ASH1L: variants seen among roughly 807,000 people sequenced by gnomAD.
ASH1L encodes the protein histone-lysine N-methyltransferase ASH1L.
ASH1L carries 23 observed loss-of-function variants against 269.0 expected under a neutral mutation model. The observed-to-expected ratio is 0.09, with a 90% confidence interval of 0.06 to 0.12. ASH1L has a LOEUF of 0.12. ASH1L is among the 10% of genes least tolerant of loss of function. The pLI is 1.00. For missense variants in ASH1L, 2,912 were observed against 3,567.8 expected (o/e 0.82, Z 4.68); for synonymous variants, 1,187 against 1,253.5 (o/e 0.95, Z 1.12).
intron 2 of ASH1L, among the ~76,000 whole-genome samples, chr1:155,491,101 C>T (rs1173198002): frequency 6.7e-6 from 1 of 150,244 alleles, no homozygotes; most frequent in Non-Finnish European, 1.5e-5. Flanking sequence ...TGTATTTCTC[C>T]TGCAGTGAAA....
intron 4 of ASH1L, among the ~76,000 whole-genome samples, chr1:155,443,326 T>A (rs1662748103): frequency 6.6e-6 from 1 of 152,214 alleles, no homozygotes; most frequent in South Asian, 2.1e-4. Context: ...CACTTCATTT[T>A]TGAATTGTTC....
rs1038400542 is a variant in ASH1L at position 155,482,556 on chromosome 1, G to A, written c.421-107C>T. On this transcript the variant is annotated intron_variant, in intron 2 of 27. Transcript: ENST00000392403. ...TGGATCACATATCAGATAAACAATA[G>A]GCAACAGTGGTTTTTAAAAAACCTA... 4.1e-6 allele frequency: 5 copies of A among 1,207,204 alleles called. No individual in the cohort carries two copies. The African/African-American group carries it at 6.1e-5, about 15-fold the overall frequency. The allele number at this position is 1,207,204 out of a possible 1,614,324, so 74.8% of individuals were successfully genotyped here.
intron 4 of ASH1L, among the ~76,000 whole-genome samples, chr1:155,455,498 C>T (rs1663807954): frequency 6.6e-6 from 1 of 152,162 alleles, no homozygotes; most frequent in African/African-American, 2.4e-5. Context: ...CAGTTGTTTA[C>T]ATACCTCAGT....
At chr1:155,377,572 A>C (rs778247270) in intron 10 of ASH1L, among the ~76,000 whole-genome samples, 3 of 151,464 alleles carry the variant, frequency 2.0e-5, no homozygotes, top group Non-Finnish European at 4.4e-5. Context: ...TCTAAAAAAA[A>C]CAAAACAAAA....
chr1:155,439,648 C>CG (rs1265321969), intron 4 of ASH1L, among the ~76,000 whole-genome samples: 4 of 151,970 alleles, frequency 2.6e-5, no homozygotes, highest in African/African-American at 9.7e-5. Context: ...TGCAGTGAGT[C>CG]ACTGCACTCT....
chr1:155,546,795 G>GC (rs1336973902), intron 1 of ASH1L, among the ~76,000 whole-genome samples: 3 of 151,516 alleles, frequency 2.0e-5, no homozygotes, highest in Admixed American at 2.0e-4. Flanking sequence ...GGTAAACAAC[G>GC]CAACTGTCAT....
At chr1:155,529,457 T>G (rs1669509914) in intron 1 of ASH1L, among the ~76,000 whole-genome samples, 1 of 152,154 alleles carries the variant, frequency 6.6e-6, no homozygotes, top group Non-Finnish European at 1.5e-5. Flanking sequence ...TGTTGAGCTT[T>G]TCCTCATGAT....
chr1:155,483,216 C>G (rs538472820), intron 2 of ASH1L, among the ~76,000 whole-genome samples: 1 of 152,208 alleles, frequency 6.6e-6, no homozygotes, highest in African/African-American at 2.4e-5. Flanking sequence ...CAGAACTGAA[C>G]AAATGTAAAG....
At chr1:155,390,773 G>A (rs914610445) in intron 7 of ASH1L, among the ~76,000 whole-genome samples, 6 of 151,722 alleles carry the variant, frequency 4.0e-5, no homozygotes, top group African/African-American at 9.7e-5. Flanking sequence ...AGCCTCCTGA[G>A]TAGCTGGGAC....
chr1:155,390,123 C>T (rs550904596), intron 7 of ASH1L, among the ~76,000 whole-genome samples: 130 of 152,060 alleles, frequency 8.5e-4, no homozygotes, highest in African/African-American at 3.0e-3. Context: ...TGATATTAGG[C>T]CAGGTGTGGT....
chr1:155,495,463 T>C (rs1490686855), intron 2 of ASH1L, among the ~76,000 whole-genome samples: 1 of 151,994 alleles, frequency 6.6e-6, no homozygotes, highest in African/African-American at 2.4e-5. Context: ...TATATAAACA[T>C]AGAAAAGGTA....
chr1:155,508,349 T>A (rs1196856370), intron 2 of ASH1L, among the ~76,000 whole-genome samples: 1 of 152,166 alleles, frequency 6.6e-6, no homozygotes, highest in Non-Finnish European at 1.5e-5. Context: ...GCTATAAAAT[T>A]AATAATGAGT....
intron 1 of ASH1L, among the ~76,000 whole-genome samples, chr1:155,557,265 T>C (rs1396266702): frequency 2.0e-5 from 3 of 151,986 alleles, no homozygotes; most frequent in African/African-American, 7.3e-5. Context: ...TTATTTTATT[T>C]ATTTATTTTT....
At chr1:155,409,645 T>G (rs1659599336) in intron 6 of ASH1L, among the ~76,000 whole-genome samples, 1 of 152,166 alleles carries the variant, frequency 6.6e-6, no homozygotes. Context: ...ATTTTTATTT[T>G]TGTAGAGACT....
intron 2 of ASH1L, among the ~76,000 whole-genome samples, chr1:155,502,273 T>C (rs1185726709): frequency 6.6e-6 from 1 of 151,970 alleles, no homozygotes; most frequent in Admixed American, 6.6e-5. Context: ...GGTTTCACCA[T>C]GTTGGCCAGG....
chr1:155,410,658 TATG>T (rs1659686719), intron 6 of ASH1L, among the ~76,000 whole-genome samples: 1 of 151,202 alleles, frequency 6.6e-6, no homozygotes, highest in Non-Finnish European at 1.5e-5. Flanking sequence ...TATTCTGTTG[TATG>T]ATATTACAAC....
Position 155,339,344 on chromosome 1 carries a change from T to G in ASH1L, c.8485A>C (p.Lys2829Gln). 2.5e-6 allele frequency: 4 copies of G among 1,613,672 alleles called. No individual in the cohort carries two copies. Among genetic ancestry groups the G allele is most frequent in the Non-Finnish European group, 3.4e-6 (4 of 1,179,628 alleles). Residue 2829 changes from lysine to glutamine, a missense_variant, in exon 26 of 28, where the codon AAG becomes CAG. Transcript: ENST00000392403. Reference protein sequence around the residue: ...FSPHYVPDNYKRNGGRSSWKS... With the variant: ...FSPHYVPDNYQRNGGRSSWKS... ...GGGACTTACCGTCCTCCATTCCTCTTGTAGTTGTCTGGGACGTAATGAGGC... is the reference window on the plus strand; with the variant it reads ...GGGACTTACCGTCCTCCATTCCTCTGGTAGTTGTCTGGGACGTAATGAGGC...
intron 2 of ASH1L, among the ~76,000 whole-genome samples, chr1:155,503,896 TGTATTTTTTGTA>T (rs1667657561): frequency 6.6e-6 from 1 of 152,154 alleles, no homozygotes; most frequent in South Asian, 2.1e-4. Context: ...GGCTAACATT[TGTATTTTTTGTA>T]CAGGGGGGTT....
chr1:155,344,270 C>T lies in ASH1L; in HGVS notation c.7894G>A (p.Val2632Ile). 1 of 1,613,694 alleles carries T rather than the reference C, an allele frequency of 6.2e-7. No homozygotes were observed. The highest frequency in any genetic ancestry group is 1.1e-5 in the South Asian group (1 of 91,068). Residue 2632 changes from valine to isoleucine, a missense_variant, in exon 22 of 28, where the codon GTT becomes ATT. This residue lies in a region of ASH1L where 179 missense variants were observed against 293.8 expected (regional missense o/e 0.61). Coordinates refer to ENST00000392403, the MANE Select transcript of ASH1L (RefSeq NM_018489.3). ...QCDPRPVDRE[V>I]PMIPRPHYAQ... is the part of the protein sequence containing the mutation. ...TAGTGGGGCCGAGGGATCATGGGAA[C>T]CTCCTGATAGGAGCAGAAAGCCAAT...
Sources: gnomAD v4.1 joint callset for allele counts (sites outside exome capture counted in the v4.1 genomes callset) on GRCh38, gnomAD v4.1.1 for gene constraint, gnomAD v4.1.1 regional missense constraint, MANE v1.5 for transcripts, NCBI Gene and HGNC (gene_info 2026-07-23, HGNC 2026-07-21) for gene names.